The following RACGAP1 variants were observed in gnomAD, a reference collection of about 807,000 sequenced individuals.
RACGAP1 encodes Rac GTPase activating protein 1, also known as rac GTPase-activating protein 1.
A neutral mutation model predicts 78.1 loss-of-function variants in RACGAP1; 30 were observed. That is an observed-to-expected ratio of 0.38 (90% CI 0.29 to 0.52). The LOEUF is 0.52. Among genes scored for constraint, RACGAP1 ranks in the 20% least tolerant of loss-of-function variants. RACGAP1 has a pLI of 0.82. For missense variants in RACGAP1, 587 were observed against 777.1 expected (o/e 0.76, Z 2.91); for synonymous variants, 231 against 264.8 (o/e 0.87, Z 1.24).
chr12:50,020,025 T>C (rs1480688508), intron 1 of RACGAP1, among the ~76,000 whole-genome samples: 2 of 152,190 alleles, frequency 1.3e-5, no homozygotes, highest in African/African-American at 2.4e-5. Context: ...CCCTAGGCTG[T>C]CTCCAAATAA....
At chr12:50,022,386 C>CGG (rs1950056193) in intron 1 of RACGAP1, among the ~76,000 whole-genome samples, 1 of 152,126 alleles carries the variant, frequency 6.6e-6, no homozygotes, top group Non-Finnish European at 1.5e-5. Flanking sequence ...AGTTTGAGAC[C>CGG]AGCCTGATCA....
chr12:50,005,270 A>T lies in RACGAP1; in HGVS notation c.411T>A (p.Asn137Lys). 6.2e-7 allele frequency: 1 copy of T among 1,614,196 alleles called. No homozygotes were observed. Among genetic ancestry groups the T allele is most frequent in the Non-Finnish European group, 8.5e-7 (1 of 1,180,018 alleles). ...FLNRGQPSSS[N>K]AGNKRLSTID... is the part of the protein sequence containing the mutation. ...AGTTCCTCCACCTTTTGTTCCCAGCATTGCTGCTGGATGGTTGGCCTCTGT... is the reference window on the plus strand; with the variant it reads ...AGTTCCTCCACCTTTTGTTCCCAGCTTTGCTGCTGGATGGTTGGCCTCTGT... The change falls in exon 4 of 17, where the codon AAT becomes AAA. Residue 137 changes from asparagine (N) to lysine (K), a missense_variant. Asn to Lys is a moderately conservative substitution (Grantham distance 94). Transcript: ENST00000312377.
chr12:50,004,839 A>G (rs1410307804), intron 4 of RACGAP1, among the ~76,000 whole-genome samples: 1 of 152,234 alleles, frequency 6.6e-6, no homozygotes, highest in African/African-American at 2.4e-5. Flanking sequence ...TATTTTAAAC[A>G]GTGGTGCAGT....
intron 2 of RACGAP1, among the ~76,000 whole-genome samples, chr12:50,008,157 G>A (rs976239406): frequency 1.5e-5 from 2 of 131,708 alleles, no homozygotes; most frequent in African/African-American, 5.9e-5. Context: ...TGTGTGTGCA[G>A]GTGAGAAATG....
chr12:50,008,595 C>CA (rs1949121541), intron 2 of RACGAP1, among the ~76,000 whole-genome samples: 1 of 152,112 alleles, frequency 6.6e-6, no homozygotes, highest in Non-Finnish European at 1.5e-5. Context: ...CAGGTTCAAG[C>CA]AACTCTCCTG....
In RACGAP1 at chr12:49,992,391, T is replaced by C; in HGVS notation, c.1446-14A>G. On this transcript the variant is annotated splice_polypyrimidine_tract_variant and intron_variant, in intron 13 of 16. Coordinates refer to ENST00000312377, the MANE Select transcript of RACGAP1 (RefSeq NM_001319999.2). ...CTCTGAGCCACTCTAAGCAAAAGAA[T>C]ATTAAATTAGAAGTCTTGCTCCTTG... is the stretch of plus-strand genomic sequence containing the variant. 1 of 1,611,754 alleles carries C rather than the reference T, an allele frequency of 6.2e-7. No homozygotes were observed. The highest frequency in any genetic ancestry group is 8.5e-7 in the Non-Finnish European group (1 of 1,178,166).
rs1948302735 is a variant in RACGAP1 at position 49,996,668 on chromosome 12, A to AAAAAT, written c.1044+371_1044+372insATTTT. 7.1e-4 allele frequency among the ~76,000 whole-genome samples: 92 copies of AAAAAT among 129,334 alleles called. 6 individuals are homozygous for AAAAAT. The highest frequency in any genetic ancestry group is 3.2e-3 in the African/African-American group (85 of 26,426). 84.8% of individuals were successfully genotyped at this position (129,334 alleles called of 152,430 possible). On this transcript the variant is annotated intron_variant, in intron 10 of 16. Coordinates refer to ENST00000312377, the MANE Select transcript of RACGAP1 (RefSeq NM_001319999.2). ...AAAAAAAAAAAAAAAAAAAAAAAAA[A>AAAAAT]TGGACACAAGTTAGTAATCATGGAA...
At chr12:50,022,293 G>A (rs540361969) in intron 1 of RACGAP1, among the ~76,000 whole-genome samples, 1 of 152,296 alleles carries the variant, frequency 6.6e-6, no homozygotes, top group South Asian at 2.1e-4. Context: ...AAAGTTAACA[G>A]TAAAACAGGC....
intron 1 of RACGAP1, among the ~76,000 whole-genome samples, chr12:50,025,017 C>T (rs995490774): frequency 2.6e-5 from 4 of 152,010 alleles, no homozygotes; most frequent in African/African-American, 9.7e-5. Flanking sequence ...GCAGGCCGCC[C>T]GGGCCTCTCA....
At chr12:49,999,317 T>G in intron 8 of RACGAP1, 46 bp from the exon 9 acceptor site, 1 of 1,565,834 alleles carries the variant, frequency 6.4e-7, no homozygotes, top group South Asian at 1.2e-5. Flanking sequence ...AGTATTTTGC[T>G]CCTTCTAAAT....
intron 7 of RACGAP1, among the ~76,000 whole-genome samples, 164 bp from the exon 8 acceptor site, chr12:49,999,897 G>T (rs1200715703): frequency 6.6e-6 from 1 of 152,120 alleles, no homozygotes; most frequent in Non-Finnish European, 1.5e-5. Context: ...TACCGCCCAG[G>T]CTGGAGAACA....
chr12:50,032,409 A>G (rs1374848377), intron 1 of RACGAP1, among the ~76,000 whole-genome samples: 1 of 152,066 alleles, frequency 6.6e-6, no homozygotes, highest in East Asian at 1.9e-4. Flanking sequence ...CAAATAATGG[A>G]TGGGGGTTGG....
At chr12:49,992,500 C>T (rs760981837) in intron 13 of RACGAP1, 50 bp downstream of exon 13, 17 of 1,590,766 alleles carry the variant, frequency 1.1e-5, no homozygotes, top group South Asian at 3.4e-5. Flanking sequence ...ATTATCTTCC[C>T]CTTGGAAAAA....
At chr12:49,996,628 TAAAAAAAAAAAAAAAAAAA>T (rs57512055) in intron 10 of RACGAP1, among the ~76,000 whole-genome samples, 117 of 18,998 alleles carry the variant, frequency 6.2e-3, no homozygotes, top group East Asian at 0.023. Flanking sequence ...GCAATAGAGC[TAAAAAAAAAAAAAAAAAAA>T]AAAAAAAAAA....
chr12:49,991,341 T>A (rs1592122061), intron 15 of RACGAP1, among the ~76,000 whole-genome samples: 1 of 150,308 alleles, frequency 6.7e-6, no homozygotes, highest in South Asian at 2.1e-4. Flanking sequence ...TATGAAAAAT[T>A]GAAAAATAAT....
At chr12:50,015,042 C>CAAAAA (rs35573059) in intron 2 of RACGAP1, among the ~76,000 whole-genome samples, 1 of 120,992 alleles carries the variant, frequency 8.3e-6, no homozygotes, top group African/African-American at 3.3e-5. Flanking sequence ...GATTCTGTCT[C>CAAAAA]AAAAAAAAAA....
intron 12 of RACGAP1, among the ~76,000 whole-genome samples, chr12:49,993,622 G>A (rs545157146): frequency 6.6e-6 from 1 of 151,664 alleles, no homozygotes; most frequent in Non-Finnish European, 1.5e-5. Flanking sequence ...CACCGTTAAC[G>A]CCTGTAATCT....
chr12:50,000,153 A>G (rs937692048), intron 7 of RACGAP1, among the ~76,000 whole-genome samples: 6 of 151,814 alleles, frequency 4.0e-5, no homozygotes, highest in Admixed American at 3.3e-4. Context: ...AGCTGGGACT[A>G]CAGGCGTCTG....
chr12:50,012,530 C>T (rs979866437), intron 2 of RACGAP1, among the ~76,000 whole-genome samples: 1 of 151,718 alleles, frequency 6.6e-6, no homozygotes, highest in Non-Finnish European at 1.5e-5. Context: ...CATTGCACTC[C>T]AGCCTGGGTA....
Sources: gnomAD v4.1 joint callset for allele counts (sites outside exome capture counted in the v4.1 genomes callset) on GRCh38, gnomAD v4.1.1 for gene constraint, MANE v1.5 for transcripts, NCBI Gene and HGNC (gene_info 2026-07-23, HGNC 2026-07-21) for gene names.